Variants in THRB observed in about 807,000 individuals in gnomAD.
The protein encoded by THRB is nuclear receptor subfamily 1 group A member 2.
Under a neutral mutation model 47.8 loss-of-function variants are expected in THRB, and 12 were observed. The ratio of observed to expected loss-of-function variants is 0.25; its 90% CI spans 0.16 to 0.41. The LOEUF (loss-of-function observed/expected upper bound fraction) is 0.41, where lower values mean the gene tolerates loss of function less well. THRB is among the 10% of genes least tolerant of loss of function. The probability of loss-of-function intolerance (pLI) is 1.00; values close to 1 mark genes in which losing one functional copy is unlikely to be tolerated. For missense variants in THRB, 348 were observed against 589.2 expected, an observed-to-expected ratio of 0.59 and a Z score of 4.24; for synonymous variants, 218 against 212.2, an observed-to-expected ratio of 1.03 and a Z score of -0.24.
chr3:24,177,893 G>C (rs2041371861), intron 5 of THRB, among the ~76,000 whole-genome samples: 1 of 152,154 alleles, frequency 6.6e-6, no homozygotes, highest in South Asian at 2.1e-4. Context: ...AGAAAAGAAT[G>C]TTTAGTTAAA....
At chr3:24,243,908 A>C (rs200573076) in intron 3 of THRB, among the ~76,000 whole-genome samples, 21 of 25,800 alleles carry the variant, frequency 8.1e-4, no homozygotes, top group African/African-American at 2.5e-3. Context: ...TGAATGGAGG[A>C]AGGGAGGCCC....
intron 1 of THRB, among the ~76,000 whole-genome samples, chr3:24,419,332 A>G (rs532811923): frequency 1.3e-5 from 2 of 151,950 alleles, no homozygotes; most frequent in African/African-American, 4.8e-5. Flanking sequence ...AAAATTGGCC[A>G]AGCAAAGAAC....
At chr3:24,472,873 C>A (rs1450688426) in intron 1 of THRB, among the ~76,000 whole-genome samples, 1 of 152,108 alleles carries the variant, frequency 6.6e-6, no homozygotes, top group African/African-American at 2.4e-5. Context: ...CAAATTTGCA[C>A]TCTTGTGCCC....
At chr3:24,270,494 C>A (rs570863186) in intron 3 of THRB, among the ~76,000 whole-genome samples, 70 of 152,306 alleles carry the variant, frequency 4.6e-4, no homozygotes, top group Middle Eastern at 3.4e-3. Context: ...TAGGTGCTAA[C>A]ATTATGAGCA....
chr3:24,261,487 G>T (rs1458353082), intron 3 of THRB, among the ~76,000 whole-genome samples: 2 of 113,928 alleles, frequency 1.8e-5, no homozygotes, highest in African/African-American at 7.0e-5. Context: ...AACAGAGCGC[G>T]ATTCTGTCTC....
chr3:24,194,638 CT>C (rs1327293506), intron 4 of THRB, among the ~76,000 whole-genome samples: 1 of 152,142 alleles, frequency 6.6e-6, no homozygotes, highest in Non-Finnish European at 1.5e-5. Context: ...ATTCTGATGG[CT>C]TTGATTGACA....
In THRB at chr3:24,276,616, T is replaced by C. The variant is rs576538194; in HGVS notation, c.-43+20610A>G. 3.3e-5 allele frequency among the ~76,000 whole-genome samples: 5 copies of C among 152,364 alleles called. No homozygotes were observed. The East Asian group carries it at 9.6e-4, about 29-fold the overall frequency. On this transcript the variant is annotated intron_variant, in intron 3 of 10. Transcript: ENST00000646209. The stretch of plus-strand genomic sequence containing the variant: ...AGGACATAGTGACTGTACAGACATG[T>C]TAGCCATTATTATTACCACAATGTG...
intron 3 of THRB, among the ~76,000 whole-genome samples, chr3:24,274,011 A>G (rs6802966): frequency 0.33 from 50,066 of 151,964 alleles, 8,245 homozygotes; most frequent in East Asian, 0.38. Flanking sequence ...TTTTCAGATA[A>G]CTTTATTTAG....
intron 1 of THRB, among the ~76,000 whole-genome samples, chr3:24,393,458 G>A (rs1027551439): frequency 6.6e-6 from 1 of 152,134 alleles, no homozygotes; most frequent in African/African-American, 2.4e-5. Context: ...CTTAGGTTCA[G>A]CTTCTTGGCC....
chr3:24,166,527 C>A (rs1402482007), intron 5 of THRB, among the ~76,000 whole-genome samples: 2 of 152,280 alleles, frequency 1.3e-5, no homozygotes, highest in Non-Finnish European at 2.9e-5. Context: ...AAGGAGTTAA[C>A]AAATACCAAA....
At chr3:24,174,349 G>C (rs530438390) in intron 5 of THRB, among the ~76,000 whole-genome samples, 1 of 152,168 alleles carries the variant, frequency 6.6e-6, no homozygotes, top group East Asian at 1.9e-4. Flanking sequence ...AGTCACAAAG[G>C]GCCAACTATT....
chr3:24,134,984 C>T (rs1396559722), intron 8 of THRB, among the ~76,000 whole-genome samples: 3 of 152,208 alleles, frequency 2.0e-5, no homozygotes, highest in Non-Finnish European at 4.4e-5. Context: ...CCAAACTTCA[C>T]TGTGCGTCAG....
chr3:24,202,127 T>C (rs1462396261), intron 4 of THRB, among the ~76,000 whole-genome samples: 1 of 152,140 alleles, frequency 6.6e-6, no homozygotes, highest in Non-Finnish European at 1.5e-5. Context: ...CTGGAGGGCT[T>C]AGATGATCAT....
At position 24,118,007 on chromosome 3, in the gene THRB, C is replaced by T. The variant is rs1051402411; in HGVS notation, c.*4877G>A. 3 of 152,102 alleles carry T rather than the reference C, an allele frequency of 2.0e-5. No homozygotes were observed. The highest frequency in any genetic ancestry group is 7.2e-5 in the African/African-American group (3 of 41,418). The allele number at this position is 152,102 out of a possible 1,614,324, so 9.4% of individuals were successfully genotyped here. On this transcript the variant is annotated 3_prime_UTR_variant, in exon 11 of 11. Coordinates refer to ENST00000646209, the MANE Select transcript of THRB (RefSeq NM_001354712.2). ...TTGTGGCCCCTTCCAAAGAGGTAAC[C>T]CCCCATCAGCATTTTACTTAGTTTC... is the stretch of plus-strand genomic sequence containing the variant.
intron 5 of THRB, among the ~76,000 whole-genome samples, chr3:24,162,051 G>C (rs913515283): frequency 6.6e-5 from 10 of 152,064 alleles, no homozygotes. Flanking sequence ...AGACTAAATC[G>C]AGAGGTTGAC....
At chr3:24,373,279 G>C (rs910166710) in intron 1 of THRB, among the ~76,000 whole-genome samples, 14 of 152,160 alleles carry the variant, frequency 9.2e-5, no homozygotes, top group African/African-American at 2.9e-4. Flanking sequence ...GATCTGGAGA[G>C]ATAATGTATG....
intron 3 of THRB, among the ~76,000 whole-genome samples, chr3:24,284,144 C>G (rs1416337357): frequency 2.0e-5 from 3 of 148,390 alleles, no homozygotes; most frequent in Non-Finnish European, 4.5e-5. Flanking sequence ...GCCAAAAGAA[C>G]AAAGCTGGAG....
At chr3:24,135,847 A>AAAAATT (rs3058819) in intron 8 of THRB, among the ~76,000 whole-genome samples, 2 of 131,004 alleles carry the variant, frequency 1.5e-5, no homozygotes, top group South Asian at 2.3e-4. Context: ...ATATATATAT[A>AAAAATT]ATACATAAAT....
intron 1 of THRB, among the ~76,000 whole-genome samples, chr3:24,447,785 G>A (rs966918276): frequency 6.6e-6 from 1 of 152,010 alleles, no homozygotes; most frequent in South Asian, 2.1e-4. Context: ...AGGGGTCAGT[G>A]CTCTGCAAAT....
Sources: allele counts gnomAD v4.1 joint callset (sites outside exome capture counted in the v4.1 genomes callset), GRCh38; gene constraint gnomAD v4.1.1; transcripts MANE v1.5; gene names NCBI Gene and HGNC (gene_info 2026-07-23, HGNC 2026-07-21).